Variants in FLNA observed in about 807,000 individuals in gnomAD.
FLNA encodes filamin-A.
Under a neutral mutation model 157.6 loss-of-function variants are expected in FLNA, and 7 were observed. That is an observed-to-expected ratio of 0.04 (90% CI 0.03 to 0.08). The LOEUF (loss-of-function observed/expected upper bound fraction) is 0.08, where lower values mean the gene tolerates loss of function less well. Among genes scored for constraint, FLNA ranks in the 10% least tolerant of loss-of-function variants. The pLI is 1.00. For synonymous variants in FLNA, 1,103 were observed against 1,060.8 expected, an observed-to-expected ratio of 1.04 and a Z score of -0.77; for missense variants, 1,750 against 2,398.4, an observed-to-expected ratio of 0.73 and a Z score of 5.65.
Position 154,364,049 on chromosome X carries a change from G to A in FLNA, c.2253C>T (p.Gly751=), listed in dbSNP as rs1557178605. ...VKHTAMVSWG[G]VSIPNSPFRV... is the part of the protein sequence containing the mutation. ...TGAAGGGGCTGTTGGGGATGCTGAC[G>A]CCTCCCCAGGACACCATGGCTGTGT... The change falls in exon 15 of 48, where the codon GGC becomes GGT. Residue 751 remains glycine, a synonymous_variant. Coordinates refer to ENST00000369850, the MANE Select transcript of FLNA (RefSeq NM_001110556.2). 5 of 1,211,143 alleles carry A rather than the reference G, an allele frequency of 4.1e-6. No individual in the cohort carries two copies. Among genetic ancestry groups the A allele is most frequent in the Non-Finnish European group, 4.5e-6 (4 of 895,165 alleles).
At chrX:154,363,099 A>G (rs2148114943) in intron 15 of FLNA, among the ~76,000 whole-genome samples, 1 of 112,616 alleles carries the variant, frequency 8.9e-6, no homozygotes, top group African/African-American at 3.2e-5. Context: ...CTGGCCACAC[A>G]ATGGAGTATT....
rs782709737 is a variant in FLNA, at chrX:154,349,408, G to A, written c.7710C>T (p.Ala2570=). 1.7e-6 allele frequency: 2 copies of A among 1,211,998 alleles called. No individual in the cohort carries two copies. The highest frequency in any genetic ancestry group is 1.1e-6 in the Non-Finnish European group (1 of 895,519). ...VVAKGLGLSK[A]YVGQKSSFTV... ...TGAAGCTGCTCTTCTGGCCTACGTA[G>A]GCCTTGCTCAGCCCCAGGCCCTTGG... Residue 2570 remains alanine (A), a synonymous_variant, in exon 47 of 48, where the codon GCC becomes GCT. Transcript: ENST00000369850.
chrX:154,374,332 A>G (rs1289475463), intron 1 of FLNA, among the ~76,000 whole-genome samples, 174 bp downstream of exon 1: 2 of 112,613 alleles, frequency 1.8e-5, no homozygotes, highest in Non-Finnish European at 3.8e-5. Flanking sequence ...ACTCACTCCC[A>G]GATGCCAGGG....
At position 154,364,070 on chromosome X, in the gene FLNA, T is replaced by C; in HGVS notation, c.2232A>G (p.Thr744=). The change falls in exon 15 of 48, where the codon ACA becomes ACG. Residue 744 remains threonine, a synonymous_variant. Coordinates refer to ENST00000369850, the MANE Select transcript of FLNA (RefSeq NM_001110556.2). ...SYVPRKPVKH[T]AMVSWGGVSI... is the part of the protein sequence containing the mutation. ...TGACGCCTCCCCAGGACACCATGGCTGTGTGCTTCACCGGCTTCCTGGGCA... is the reference window on the plus strand; with the variant it reads ...TGACGCCTCCCCAGGACACCATGGCCGTGTGCTTCACCGGCTTCCTGGGCA... 1 of 1,211,306 alleles carries C rather than the reference T, an allele frequency of 8.3e-7. No homozygotes were observed.
chrX:154,365,602 G>A (rs2067752239), intron 9 of FLNA, 116 bp from the exon 10 acceptor site: 3 of 877,339 alleles, frequency 3.4e-6, no homozygotes, highest in Non-Finnish European at 4.8e-6. Flanking sequence ...GCTGGAGGGG[G>A]ACATGCAAGA....
chrX:154,361,523 C>T lies in FLNA; in HGVS notation c.2992G>A (p.Ala998Thr). Reference sequence around the variant, plus strand: ...GATGCCACTTTGCCTTGACCACCAGCACCCTTTGATTTGACTGTGAACTCC... The same window carrying T: ...GATGCCACTTTGCCTTGACCACCAGTACCCTTTGATTTGACTGTGAACTCC... ...DQEFTVKSKG[A>T]GGQGKVASKI... Residue 998 changes from alanine to threonine, a missense_variant, in exon 21 of 48, where the codon GCT becomes ACT. Around this residue, in one of 5 missense-constraint regions of FLNA, gnomAD observed 648 missense variants for 805.8 expected, o/e 0.80. Transcript: ENST00000369850. The T allele has an allele frequency of 8.3e-7, 1 of 1,211,752 alleles. No homozygotes were observed. Among genetic ancestry groups the T allele is most frequent in the Non-Finnish European group, 1.1e-6 (1 of 895,441 alleles).
rs782580317 is a variant in FLNA at position 154,364,956 on chromosome X, G to A, written c.1693C>T (p.Pro565Ser). 23 of 1,209,881 alleles carry A rather than the reference G, an allele frequency of 1.9e-5. No homozygotes were observed. The East Asian group carries it at 5.0e-4, about 26-fold the overall frequency. Residue 565 changes from proline (P) to serine (S), a missense_variant and splice_region_variant, in exon 12 of 48, where the codon CCC becomes TCC. Transcript: ENST00000369850. ...TWGGQNIGRSPFEVKVGTECG... is the reference protein window; with the variant it reads ...TWGGQNIGRSSFEVKVGTECG... ...TCGGTGCCCACCTTCACTTCGAAGG[G>A]ACTGCAAATGCGAGAGCCACACAGG...
chrX:154,358,537 G>C lies in FLNA; in HGVS notation c.4506C>G (p.Asn1502Lys), dbSNP rs200857989. 4 of 1,209,912 alleles carry C rather than the reference G, an allele frequency of 3.3e-6. No homozygotes were observed. Among genetic ancestry groups the C allele is most frequent in the Non-Finnish European group, 4.5e-6 (4 of 894,500 alleles). Reference sequence around the variant, plus strand: ...AATTGACGGTCTGGGTGCCATCAGCGTTGTCTACCACGTCCACTGGCTCCA... The same window carrying C: ...AATTGACGGTCTGGGTGCCATCAGCCTTGTCTACCACGTCCACTGGCTCCA... ...GLVEPVDVVD[N>K]ADGTQTVNYV... Residue 1502 changes from asparagine (N) to lysine (K), a missense_variant, in exon 27 of 48, where the codon AAC becomes AAG. Asn to Lys is a moderately conservative substitution (Grantham distance 94). Around this residue, in one of 5 missense-constraint regions of FLNA, gnomAD observed 970 missense variants for 1,302.6 expected, o/e 0.74. Coordinates refer to ENST00000369850, the MANE Select transcript of FLNA (RefSeq NM_001110556.2).
chrX:154,350,019 C>T lies in FLNA; in HGVS notation c.7333+12G>A, dbSNP rs782082864. The T allele has an allele frequency of 2.5e-5, 30 of 1,208,951 alleles. No individual in the cohort carries two copies. The highest frequency in any genetic ancestry group is 7.0e-5 in the African/African-American group (4 of 57,258). On this transcript the variant is annotated intron_variant, in intron 45 of 47. Transcript: ENST00000369850. ...GCTGTGTGCACACGTGCAGCCGCAC[C>T]GACAGACTTACCTGTGACACCGCCT...
At chrX:154,358,880 A>G in intron 26 of FLNA, 104 bp downstream of exon 26, 1 of 943,008 alleles carries the variant, frequency 1.1e-6, no homozygotes, top group Non-Finnish European at 1.5e-6. Flanking sequence ...CACTTGCACC[A>G]CCTCTGCACT....
chrX:154,371,182 C>G lies in FLNA; in HGVS notation c.64G>C (p.Asp22His), dbSNP rs782199446. The change falls in exon 2 of 48, where the codon GAC (aspartate) becomes CAC (histidine). Residue 22 changes from aspartate (D) to histidine (H), a missense_variant. Asp to His is a moderately conservative substitution (Grantham distance 81, BLOSUM62 -1). Around this residue, in one of 5 missense-constraint regions of FLNA, gnomAD observed 58 missense variants for 27.8 expected, o/e 2.09. Transcript: ENST00000369850. Reference sequence around the variant, plus strand: ...GCCGGCATCTCGGCGTCCCGCGTGTCGACGCCGCCGCCCGGAGCCGCGCCT... The same window carrying G: ...GCCGGCATCTCGGCGTCCCGCGTGTGGACGCCGCCGCCCGGAGCCGCGCCT... ...AAGAAPGGGV[D>H]TRDAEMPATE... 2 of 1,194,776 alleles carry G rather than the reference C, an allele frequency of 1.7e-6. No individual in the cohort carries two copies. The highest frequency in any genetic ancestry group is 1.1e-6 in the Non-Finnish European group (1 of 887,535).
In FLNA at chrX:154,358,334, C is replaced by A; in HGVS notation, c.4620G>T (p.Leu1540=). The A allele has an allele frequency of 8.3e-7, 1 of 1,211,553 alleles. No individual in the cohort carries two copies. The highest frequency in any genetic ancestry group is 1.1e-6 in the Non-Finnish European group (1 of 895,549). The stretch of plus-strand genomic sequence containing the variant: ...TCACCTTGCTGGCATCATGAGTAGG[C>A]AGCACCTTGACCTTGAAGGGGCTGT... ...VPRSPFKVKV[L]PTHDASKVKA... Residue 1540 remains leucine, a synonymous_variant, in exon 28 of 48, where the codon CTG becomes CTT. Transcript: ENST00000369850.
chrX:154,363,860 T>C (rs1490793699), intron 15 of FLNA, among the ~76,000 whole-genome samples, 162 bp downstream of exon 15: 2 of 112,266 alleles, frequency 1.8e-5, no homozygotes, highest in Admixed American at 9.4e-5. Flanking sequence ...CTATAGAACA[T>C]GTCCAGGATA....
At chrX:154,374,389 G>A (rs1186007735) in intron 1 of FLNA, 117 bp downstream of exon 1, 2 of 112,717 alleles carry the variant, frequency 1.8e-5, no homozygotes, top group African/African-American at 3.2e-5. Flanking sequence ...GCCCGGACCT[G>A]GGCGCGAGCT....
Position 154,352,034 on chromosome X carries a change from A to G in FLNA, c.6770-13T>C, listed in dbSNP as rs782097595. On this transcript the variant is annotated splice_polypyrimidine_tract_variant and intron_variant, in intron 41 of 47. Transcript: ENST00000369850. ...ATACTGAATTCGGCTGTGGGAGAAC[A>G]GTTTGTCCTCACTGAAGGCTGCTTC... The G allele has an allele frequency of 5.0e-6, 6 of 1,210,247 alleles. No homozygotes were observed. The highest frequency in any genetic ancestry group is 6.7e-6 in the Non-Finnish European group (6 of 895,313).
intron 5 of FLNA, 103 bp downstream of exon 5, chrX:154,367,294 G>T: frequency 1.1e-6 from 1 of 933,462 alleles, no homozygotes; most frequent in East Asian, 3.1e-5. Context: ...TCACCTAGCC[G>T]CCATGTAACC....
chrX:154,369,630 A>T (rs782184090), intron 2 of FLNA, among the ~76,000 whole-genome samples: 5 of 110,621 alleles, frequency 4.5e-5, no homozygotes, highest in African/African-American at 9.9e-5. Flanking sequence ...CAGCCAGCTC[A>T]CAAGGAGGAG....
In FLNA at chrX:154,366,328, T is replaced by G. The variant is rs2067760079; in HGVS notation, c.1208A>C (p.Tyr403Ser). 1 of 1,211,920 alleles carries G rather than the reference T, an allele frequency of 8.3e-7. No homozygotes were observed. Residue 403 changes from tyrosine (Y) to serine (S), a missense_variant, in exon 8 of 48, where the codon TAC (tyrosine) becomes TCC (serine). Tyr to Ser is a moderately radical substitution (Grantham distance 144). This residue lies in a region of FLNA where 648 missense variants were observed against 805.8 expected (regional missense o/e 0.80). Coordinates refer to ENST00000369850, the MANE Select transcript of FLNA (RefSeq NM_001110556.2). Reference sequence around the variant, plus strand: ...CTCACCTGCCGTAAAGATCTCAAAGTAGGTGGTCTTGTTGGCGATGTTGCC... The same window carrying G: ...CTCACCTGCCGTAAAGATCTCAAAGGAGGTGGTCTTGTTGGCGATGTTGCC... ...PSGNIANKTT[Y>S]FEIFTAGAGT...
rs2067614591 is a variant in FLNA at position 154,351,018 on chromosome X, C to T, written c.7047G>A (p.Gln2349=). The T allele has an allele frequency of 8.3e-7, 1 of 1,211,749 alleles. No individual in the cohort carries two copies. Among genetic ancestry groups the T allele is most frequent in the African/African-American group, 1.7e-5 (1 of 57,930 alleles). The part of the protein sequence containing the change: ...SLQESGLKVN[Q]PASFAVSLNG... ...TCAGGCTGACTGCAAAAGAGGCTGGCTGGTTGACCTTTAGCCCTGACTCCT... is the reference window on the plus strand; with the variant it reads ...TCAGGCTGACTGCAAAAGAGGCTGGTTGGTTGACCTTTAGCCCTGACTCCT... Residue 2349 remains glutamine, a synonymous_variant, in exon 44 of 48, where the codon CAG becomes CAA. Coordinates refer to ENST00000369850, the MANE Select transcript of FLNA (RefSeq NM_001110556.2).
Sources: allele counts gnomAD v4.1 joint callset (sites outside exome capture counted in the v4.1 genomes callset), GRCh38; gene constraint gnomAD v4.1.1; regional missense constraint gnomAD v4.1.1; transcripts MANE v1.5; gene names NCBI Gene and HGNC (gene_info 2026-07-23, HGNC 2026-07-21).